KLF12: variants seen among roughly 807,000 people sequenced by gnomAD.
KLF12 encodes the protein Krueppel-like factor 12.
A neutral mutation model predicts 37.8 loss-of-function variants in KLF12; 9 were observed. The ratio of observed to expected loss-of-function variants is 0.24; its 90% confidence interval spans 0.14 to 0.42. The LOEUF (loss-of-function observed/expected upper bound fraction) is 0.42, where lower values mean the gene tolerates loss of function less well. Ranked by LOEUF, KLF12 falls within the 10% of genes least tolerant of loss-of-function variation. The probability of loss-of-function intolerance (pLI) is 1.00; values close to 1 mark genes in which losing one functional copy is unlikely to be tolerated. For synonymous variants in KLF12, 208 were observed against 202.1 expected (o/e 1.03, Z -0.25); for missense variants, 411 against 516.0 (o/e 0.80, Z 1.97).
the KLF12 span, among the ~76,000 whole-genome samples, chr13:74,301,458 T>C: frequency 3.3e-5 from 5 of 152,192 alleles, no homozygotes; most frequent in African/African-American, 1.2e-4. Context: ...AAGAGCCACA[T>C]GGAGATTAAA....
At chr13:73,715,594 G>A in intron 6 of KLF12, 69 bp from the exon 7 acceptor site, 9 of 1,485,008 alleles carry the variant, frequency 6.1e-6, no homozygotes, top group Non-Finnish European at 8.3e-6. Context: ...GGTGGCATGG[G>A]AACATTGTCT....
chr13:74,291,222 T>A, the KLF12 span, among the ~76,000 whole-genome samples: 1 of 152,244 alleles, frequency 6.6e-6, no homozygotes, highest in Admixed American at 6.5e-5. Flanking sequence ...TGGGCTTTTC[T>A]GAGGAAATGC....
the KLF12 span, among the ~76,000 whole-genome samples, chr13:74,294,768 C>A: frequency 1.2e-3 from 182 of 152,252 alleles, 1 homozygote; most frequent in East Asian, 0.032. Context: ...AGAAATATTT[C>A]TCTCTTCTCC....
At chr13:73,776,689 TAC>T (rs1166353537) in intron 5 of KLF12, among the ~76,000 whole-genome samples, 2 of 152,154 alleles carry the variant, frequency 1.3e-5, no homozygotes, top group African/African-American at 4.8e-5. Flanking sequence ...CCAAAGAGGG[TAC>T]AGAGTTTACC....
At chr13:74,251,290 T>A in the KLF12 span, among the ~76,000 whole-genome samples, 2 of 152,078 alleles carry the variant, frequency 1.3e-5, no homozygotes, top group African/African-American at 4.8e-5. Flanking sequence ...TAGCTGGGAT[T>A]ACAAGCATGC....
chr13:73,916,249 A>ACACACACACACACACACG lies in KLF12; in HGVS notation c.123+27731_123+27732insCGTGTGTGTGTGTGTGTG, dbSNP rs1566457445. 9.0e-4 allele frequency among the ~76,000 whole-genome samples: 14 copies of ACACACACACACACACACG among 15,560 alleles called. No individual in the cohort carries two copies. In the South Asian group the frequency reaches 0.016, roughly 18 times the overall value. The allele number at this position is 15,560 out of a possible 152,430, so 10.2% of individuals were successfully genotyped here. ...CACACACACACACACACGCACACGCACACACACACACACACACAGCTTTAA... is the reference window on the plus strand; with the variant it reads ...CACACACACACACACACGCACACGCACACACACACACACACACGCACACACACACACACACAGCTTTAA... On this transcript the variant is annotated intron_variant, in intron 3 of 7. Coordinates refer to ENST00000377669, the MANE Select transcript of KLF12 (RefSeq NM_007249.5).
At chr13:73,927,646 G>A (rs1032835981) in intron 3 of KLF12, among the ~76,000 whole-genome samples, 2 of 151,812 alleles carry the variant, frequency 1.3e-5, no homozygotes, top group African/African-American at 2.4e-5. Flanking sequence ...GCGCGATCTC[G>A]GCTCACTGCA....
At chr13:74,146,428 C>T in the KLF12 span, among the ~76,000 whole-genome samples, 1 of 152,132 alleles carries the variant, frequency 6.6e-6, no homozygotes, top group Non-Finnish European at 1.5e-5. Context: ...AAAGCTGTTT[C>T]TTTCTGCAGT....
intron 1 of KLF12, among the ~76,000 whole-genome samples, chr13:74,022,724 C>T (rs957054829): frequency 6.6e-6 from 1 of 151,810 alleles, no homozygotes; most frequent in Admixed American, 6.6e-5. Flanking sequence ...CCTGCACCCA[C>T]CTGCAGTGAC....
At chr13:74,190,826 T>A in the KLF12 span, among the ~76,000 whole-genome samples, 1 of 152,214 alleles carries the variant, frequency 6.6e-6, no homozygotes, top group Non-Finnish European at 1.5e-5. Flanking sequence ...CTAAGAGAGC[T>A]AGGATTCAAT....
chr13:73,906,581 A>C (rs1888308780), intron 3 of KLF12, among the ~76,000 whole-genome samples: 1 of 151,990 alleles, frequency 6.6e-6, no homozygotes, highest in Admixed American at 6.6e-5. Context: ...TTCATCTTTT[A>C]TTTCTTTAAA....
At chr13:73,746,068 CAAAA>C (rs10568862) in intron 6 of KLF12, among the ~76,000 whole-genome samples, 5 of 131,004 alleles carry the variant, frequency 3.8e-5, no homozygotes, top group Admixed American at 1.6e-4. Context: ...AGGAAACCAC[CAAAA>C]AAAAAAAAAA....
At chr13:74,239,529 T>C in the KLF12 span, among the ~76,000 whole-genome samples, 1 of 118,892 alleles carries the variant, frequency 8.4e-6, no homozygotes, top group Non-Finnish European at 1.7e-5. Context: ...CTGTCTAATG[T>C]TGACAGTGGG....
intron 5 of KLF12, among the ~76,000 whole-genome samples, chr13:73,784,879 A>G (rs1366266697): frequency 2.0e-5 from 3 of 150,934 alleles, no homozygotes; most frequent in African/African-American, 2.4e-5. Flanking sequence ...CTCGTGATCC[A>G]CCCGCCTTGG....
chr13:74,128,299 A>C (rs1158901866), intron 1 of KLF12, among the ~76,000 whole-genome samples: 1 of 152,218 alleles, frequency 6.6e-6, no homozygotes, highest in East Asian at 1.9e-4. Flanking sequence ...TTCCTTCCCC[A>C]TAAGTGTAAT....
chr13:73,883,474 C>T (rs1887074929), intron 3 of KLF12, among the ~76,000 whole-genome samples: 1 of 152,114 alleles, frequency 6.6e-6, no homozygotes, highest in Admixed American at 6.5e-5. Context: ...CTTTGGTAAA[C>T]TGAAGAGATG....
the KLF12 span, chr13:74,289,166 T>G: frequency 6.6e-6 from 1 of 152,188 alleles, no homozygotes; most frequent in Non-Finnish European, 1.5e-5. Flanking sequence ...GATCTGTAAT[T>G]GACTGCGAAC....
In KLF12 at chr13:73,688,869, A is replaced by AT. The variant is rs1461557903; in HGVS notation, c.*6620dup. ...CGTGCAGTGTGGTGGAGTGGGAAAG[A>AT]TACAGGCAGACCTCCAGGTCAGAGA... On this transcript the variant is annotated 3_prime_UTR_variant, in exon 8 of 8. Transcript: ENST00000377669. 6.6e-6 allele frequency: 1 copy of AT among 152,142 alleles called. No individual in the cohort carries two copies. The highest frequency in any genetic ancestry group is 2.4e-5 in the African/African-American group (1 of 41,436). 9.4% of individuals were successfully genotyped at this position (152,142 alleles called of 1,614,324 possible). A position where few individuals can be genotyped will look rare whatever the true frequency, so the allele number is the denominator to read the frequency against.
chr13:73,955,614 T>C (rs1454538064), intron 2 of KLF12, among the ~76,000 whole-genome samples: 1 of 152,218 alleles, frequency 6.6e-6, no homozygotes, highest in African/African-American at 2.4e-5. Context: ...AATTCTATAT[T>C]TGACATAGTG....
Sources: allele counts gnomAD v4.1 joint callset (sites outside exome capture counted in the v4.1 genomes callset), GRCh38; gene constraint gnomAD v4.1.1; transcripts MANE v1.5; gene names NCBI Gene and HGNC (gene_info 2026-07-23, HGNC 2026-07-21).